PCDHGA11: variants seen among roughly 807,000 people sequenced by gnomAD.
PCDHGA11 encodes the protein protocadherin gamma-A11.
In PCDHGA11, 39 loss-of-function variants were observed where a neutral mutation model predicts 60.4. That is an observed-to-expected ratio of 0.65 (90% CI 0.50 to 0.84). The LOEUF is 0.84. Ranked by LOEUF, PCDHGA11 falls within the 40% of genes least tolerant of loss-of-function variation. The pLI, the probability that PCDHGA11 is intolerant of heterozygous loss-of-function variation, is 0.00. For synonymous variants in PCDHGA11, 533 were observed against 510.3 expected (o/e 1.04, Z -0.60); for missense variants, 1,165 against 1,197.7 (o/e 0.97, Z 0.40).
At chr5:141,480,205 A>G (rs2099514310) in intron 1 of PCDHGA11, among the ~76,000 whole-genome samples, 1 of 151,108 alleles carries the variant, frequency 6.6e-6, no homozygotes, top group Admixed American at 6.6e-5. Flanking sequence ...GCAGTTCAAG[A>G]CCAGCCTGAG....
chr5:141,478,553 T>C, intron 1 of PCDHGA11: 1 of 1,602,704 alleles, frequency 6.2e-7, no homozygotes. Context: ...ACAGGTAAGG[T>C]TTAGCAAGTC....
In PCDHGA11 at chr5:141,477,670, A is replaced by G; in HGVS notation, c.2434-17137A>G. 1 of 1,614,198 alleles carries G rather than the reference A, an allele frequency of 6.2e-7. No individual in the cohort carries two copies. The highest frequency in any genetic ancestry group is 1.7e-5 in the Admixed American group (1 of 60,028). ...TCACAATAAATCGTGACAATGGCAT[A>G]GTGTCATCCTTAGTGCCCCTAGACT... On this transcript the variant is annotated intron_variant, in intron 1 of 3. Coordinates refer to ENST00000398587, the MANE Select transcript of PCDHGA11 (RefSeq NM_018914.3). This position sits in a 1 kb window ranked among gnomAD's most constrained non-coding sequence, Gnocchi z 4.9.
rs567061101 is a variant in PCDHGA11 at position 141,432,791 on chromosome 5, C to T, written c.2433+9131C>T. The T allele has an allele frequency of 2.7e-5, 44 of 1,614,064 alleles. No homozygotes were observed. Among genetic ancestry groups the T allele is most frequent in the Admixed American group, 8.3e-5 (5 of 60,034 alleles). On this transcript the variant is annotated intron_variant, in intron 1 of 3. Coordinates refer to ENST00000398587, the MANE Select transcript of PCDHGA11 (RefSeq NM_018914.3). The surrounding 1 kb of genome is among the most constrained non-coding windows in gnomAD (Gnocchi z 6.0). ...CCAAGTCCTGGCGGACCTCGGCAGC[C>T]TCGAGTCTCCAGCTAACTCTGAAAC... is the stretch of plus-strand genomic sequence containing the variant.
At position 141,482,530 on chromosome 5, in the gene PCDHGA11, C is replaced by CAA. The variant is rs3074545; in HGVS notation, c.2434-12259_2434-12258dup. ...CAGAGTACAGTATGAGACAGACATG[C>CAA]AAAAAAAAAAAAAAAAAAAGATAAT... On this transcript the variant is annotated intron_variant, in intron 1 of 3. Transcript: ENST00000398587. Among the ~76,000 whole-genome samples the CAA allele has an allele frequency of 5.5e-3, 422 of 76,516 alleles. 18 individuals are homozygous for CAA. Among genetic ancestry groups the CAA allele is most frequent in the African/African-American group, 0.016 (343 of 20,862 alleles). The allele number at this position is 76,516 out of a possible 152,430, so 50.2% of individuals were successfully genotyped here.
At chr5:141,467,099 C>T (rs2099136810) in intron 1 of PCDHGA11, among the ~76,000 whole-genome samples, 1 of 149,976 alleles carries the variant, frequency 6.7e-6, no homozygotes, top group Admixed American at 6.7e-5. Context: ...GTCACACAGG[C>T]TGGAGTACAA....
chr5:141,430,485 G>T (rs926788879), intron 1 of PCDHGA11: 2 of 252,972 alleles, frequency 7.9e-6, no homozygotes, highest in Non-Finnish European at 7.4e-6. Flanking sequence ...ATATAAAAAC[G>T]AAATATCCTT....
chr5:141,490,811 A>G lies in PCDHGA11; in HGVS notation c.2434-3996A>G, dbSNP rs750702067. The G allele has an allele frequency of 1.2e-6, 2 of 1,613,918 alleles. No homozygotes were observed. The highest frequency in any genetic ancestry group is 8.5e-7 in the Non-Finnish European group (1 of 1,179,884). On this transcript the variant is annotated intron_variant, in intron 1 of 3. Coordinates refer to ENST00000398587, the MANE Select transcript of PCDHGA11 (RefSeq NM_018914.3). This position sits in a 1 kb window ranked among gnomAD's most constrained non-coding sequence, Gnocchi z 5.4. ...ATCTTTGCCCAGCGTACCTTTGACTATGAATTGCTGCAGATGCTGCAGATT... is the reference window on the plus strand; with the variant it reads ...ATCTTTGCCCAGCGTACCTTTGACTGTGAATTGCTGCAGATGCTGCAGATT...
In PCDHGA11 at chr5:141,512,249, T is replaced by A. The variant is rs1159090773; in HGVS notation, c.*1076T>A. 6.6e-6 allele frequency: 1 copy of A among 152,598 alleles called. No individual in the cohort carries two copies. The allele number at this position is 152,598 out of a possible 1,614,324, so 9.5% of individuals were successfully genotyped here. On this transcript the variant is annotated 3_prime_UTR_variant, in exon 4 of 4. Coordinates refer to ENST00000398587, the MANE Select transcript of PCDHGA11 (RefSeq NM_018914.3). Reference sequence around the variant, plus strand: ...CCTTGAGAGGTCAGAGGGGCCTCTGTGGGTGCTGGGTACTCCAGAGGTGCC... The same window carrying A: ...CCTTGAGAGGTCAGAGGGGCCTCTGAGGGTGCTGGGTACTCCAGAGGTGCC...
At chr5:141,447,136 TTTTTTG>T (rs1304915683) in intron 1 of PCDHGA11, among the ~76,000 whole-genome samples, 4 of 152,090 alleles carry the variant, frequency 2.6e-5, no homozygotes, top group Admixed American at 6.6e-5. Context: ...TGTTTGTTTG[TTTTTTG>T]TTTTTGTTTT....
At position 141,490,440 on chromosome 5, in the gene PCDHGA11, T is replaced by C. The variant is rs560525159; in HGVS notation, c.2434-4367T>C. On this transcript the variant is annotated intron_variant, in intron 1 of 3. Transcript: ENST00000398587. This position sits in a 1 kb window ranked among gnomAD's most constrained non-coding sequence, Gnocchi z 5.4. ...ACCTGCCATTTCAGATTAAGCCTTC[T>C]GAGAACCACTACTCGCTGCTAACCA... 7 of 1,614,206 alleles carry C rather than the reference T, an allele frequency of 4.3e-6. No homozygotes were observed. Among genetic ancestry groups the C allele is most frequent in the Non-Finnish European group, 5.9e-6 (7 of 1,180,040 alleles).
intron 2 of PCDHGA11, among the ~76,000 whole-genome samples, chr5:141,496,078 CCCCACCCACCA>C (rs1204698458): frequency 6.6e-6 from 1 of 152,016 alleles, no homozygotes; most frequent in Non-Finnish European, 1.5e-5. Context: ...ACACACAACC[CCCCACCCACCA>C]CCCACCAACA....
At position 141,476,294 on chromosome 5, in the gene PCDHGA11, A is replaced by T. The variant is rs376905832; in HGVS notation, c.2434-18513A>T. On this transcript the variant is annotated intron_variant, in intron 1 of 3. Coordinates refer to ENST00000398587, the MANE Select transcript of PCDHGA11 (RefSeq NM_018914.3). The surrounding 1 kb of genome is among the most constrained non-coding windows in gnomAD (Gnocchi z 7.6). ...CGCGAACCTTGGTTTGGATCTCGGT[A>T]GCCTCTCAGCCCGCAGGTTCCGGGT... is the stretch of plus-strand genomic sequence containing the variant. 2 of 1,613,036 alleles carry T rather than the reference A, an allele frequency of 1.2e-6. No homozygotes were observed. The highest frequency in any genetic ancestry group is 1.7e-6 in the Non-Finnish European group (2 of 1,179,642).
rs1252377833 is a variant in PCDHGA11, at chr5:141,485,012, G to T, written c.2434-9795G>T. On this transcript the variant is annotated intron_variant, in intron 1 of 3. Coordinates refer to ENST00000398587, the MANE Select transcript of PCDHGA11 (RefSeq NM_018914.3). The surrounding 1 kb of genome is among the most constrained non-coding windows in gnomAD (Gnocchi z 5.7). Reference sequence around the variant, plus strand: ...GGTGAAAGGCAGACAAATCTACCCCGCCACCAGCAAAAACGGCGCGTAACC... The same window carrying T: ...GGTGAAAGGCAGACAAATCTACCCCTCCACCAGCAAAAACGGCGCGTAACC... The T allele has an allele frequency of 1.3e-5, 8 of 630,528 alleles. No individual in the cohort carries two copies. In the Admixed American group the frequency reaches 1.5e-4, roughly 12 times the overall value. 39.1% of individuals were successfully genotyped at this position (630,528 alleles called of 1,614,324 possible).
chr5:141,431,008 C>T lies in PCDHGA11; in HGVS notation c.2433+7348C>T. The T allele has an allele frequency of 6.2e-7, 1 of 1,614,118 alleles. No individual in the cohort carries two copies. The highest frequency in any genetic ancestry group is 1.1e-5 in the South Asian group (1 of 91,076). ...TCGCCCTGAATCCGCGCAGCGGCAG[C>T]TTGGTCACGGCGGGCAGGATAGACC... On this transcript the variant is annotated intron_variant, in intron 1 of 3. Transcript: ENST00000398587. This position sits in a 1 kb window ranked among gnomAD's most constrained non-coding sequence, Gnocchi z 4.8.
At position 141,493,904 on chromosome 5, in the gene PCDHGA11, G is replaced by A. The variant is rs1204744465; in HGVS notation, c.2434-903G>A. Among the ~76,000 whole-genome samples, 1 of 152,216 alleles carries A rather than the reference G, an allele frequency of 6.6e-6. No individual in the cohort carries two copies. Among genetic ancestry groups the A allele is most frequent in the Non-Finnish European group, 1.5e-5 (1 of 68,028 alleles). On this transcript the variant is annotated intron_variant, in intron 1 of 3. Transcript: ENST00000398587. The surrounding 1 kb of genome is among the most constrained non-coding windows in gnomAD (Gnocchi z 4.3). ...GGCTCTAGGAGTGCTCCATGAGAGT[G>A]TGTGATGGGATAACACACCCCCTGG...
chr5:141,458,464 G>A (rs1035826436), intron 1 of PCDHGA11, among the ~76,000 whole-genome samples: 30 of 152,030 alleles, frequency 2.0e-4, no homozygotes, highest in Admixed American at 9.8e-4. Flanking sequence ...TTAAAATACC[G>A]TACAACTGCA....
intron 1 of PCDHGA11, chr5:141,479,743 T>C (rs2154578017): frequency 6.6e-6 from 1 of 152,356 alleles, no homozygotes; most frequent in African/African-American, 2.4e-5. Flanking sequence ...ATATGCACAA[T>C]GTGAAAGGTA....
rs1561793188 is a variant in PCDHGA11 at position 141,421,320 on chromosome 5, G to T, written c.93G>T (p.Gln31His). The T allele has an allele frequency of 1.2e-6, 2 of 1,613,786 alleles. No individual in the cohort carries two copies. Among genetic ancestry groups the T allele is most frequent in the Non-Finnish European group, 1.7e-6 (2 of 1,179,884 alleles). The change falls in exon 1 of 4, where the codon CAG becomes CAT. Residue 31 changes from glutamine (Q) to histidine (H), a missense_variant. By Grantham distance (24) the Gln-to-His change is conservative (BLOSUM62 0). Coordinates refer to ENST00000398587, the MANE Select transcript of PCDHGA11 (RefSeq NM_018914.3). ...LGTLRGFRAR[Q>H]IRYSVPEETE... Reference sequence around the variant, plus strand: ...CGCTGCGGGGGTTCCGGGCCAGGCAGATCCGATATTCGGTGCCAGAAGAGA... The same window carrying T: ...CGCTGCGGGGGTTCCGGGCCAGGCATATCCGATATTCGGTGCCAGAAGAGA...
At chr5:141,427,824 G>A (rs1298494092) in intron 1 of PCDHGA11, 5 of 1,535,458 alleles carry the variant, frequency 3.3e-6, no homozygotes, top group African/African-American at 1.4e-5. Flanking sequence ...GGTGGTGGTC[G>A]CGCAGCGTGC....
Sources: gnomAD v4.1 joint callset for allele counts (sites outside exome capture counted in the v4.1 genomes callset) on GRCh38, gnomAD v4.1.1 for gene constraint, Gnocchi (gnomAD v3.1) non-coding constraint, MANE v1.5 for transcripts, NCBI Gene and HGNC (gene_info 2026-07-23, HGNC 2026-07-21) for gene names.